POTEE: variants seen among roughly 807,000 people sequenced by gnomAD.
POTEE encodes POTE ankyrin domain family member E.
In POTEE, 21 loss-of-function variants were observed where a neutral mutation model predicts 74.2. That is an observed-to-expected ratio of 0.28 (90% CI 0.20 to 0.41). The LOEUF (loss-of-function observed/expected upper bound fraction) is 0.41, where lower values mean the gene tolerates loss of function less well. POTEE is among the 10% of genes least tolerant of loss of function. The pLI is 1.00. For missense variants in POTEE, 525 were observed against 1,158.6 expected, an observed-to-expected ratio of 0.45 and a Z score of 7.94; for synonymous variants, 211 against 432.8, an observed-to-expected ratio of 0.49 and a Z score of 6.36.
At chr2:131,213,262 T>C (rs1431490393) in intron 2 of POTEE, among the ~76,000 whole-genome samples, 2 of 152,058 alleles carry the variant, frequency 1.3e-5, no homozygotes, top group African/African-American at 4.8e-5. Context: ...AAAACAAGGC[T>C]TTATTAACTT....
intron 13 of POTEE, among the ~76,000 whole-genome samples, chr2:131,246,150 TACTG>T (rs1559194436): frequency 8.0e-6 from 1 of 124,554 alleles, no homozygotes; most frequent in East Asian, 2.4e-4. Context: ...GTCTCACTGT[TACTG>T]ACTTCATTCC....
intron 9 of POTEE, among the ~76,000 whole-genome samples, chr2:131,235,208 A>G (rs1701089900): frequency 6.7e-6 from 1 of 149,384 alleles, no homozygotes; most frequent in South Asian, 2.1e-4. Flanking sequence ...TAGAAAAGCC[A>G]TCCCTGACAT....
rs769777867 is a variant in POTEE at position 131,230,902 on chromosome 2, T to C, written c.1122T>C (p.Asn374=). The change falls in exon 9 of 18, where the codon AAT becomes AAC. Residue 374 remains asparagine (N), a synonymous_variant. Transcript: ENST00000683005. ...QMLKISSENS[N]PEQELKLTSE... ...TAAAAATCTCTTCTGAAAACAGCAATCCAGGTAAGACTTGTGATAGTGAAT... is the reference window on the plus strand; with the variant it reads ...TAAAAATCTCTTCTGAAAACAGCAACCCAGGTAAGACTTGTGATAGTGAAT... 2.7e-5 allele frequency: 42 copies of C among 1,563,112 alleles called. No homozygotes were observed. The highest frequency in any genetic ancestry group is 7.4e-5 in the Admixed American group (4 of 54,256).
In POTEE at chr2:131,218,860, C is replaced by T. The variant is rs768338214; in HGVS notation, c.458C>T (p.Pro153Leu). ...LHRAAWWGKV[P>L]RKDLIVMLRD... ...AGAGCTGCCTGGTGGGGTAAAGTCC[C>T]CAGAAAGGATCTCATCGTCATGCTC... is the stretch of plus-strand genomic sequence containing the variant. Residue 153 changes from proline (P) to leucine (L), a missense_variant, in exon 4 of 18, where the codon CCC (proline) becomes CTC (leucine). Physicochemically the swap from Pro to Leu is moderately conservative, Grantham distance 98 (BLOSUM62 -3). Transcript: ENST00000683005. The T allele has an allele frequency of 1.6e-5, 26 of 1,613,032 alleles. No individual in the cohort carries two copies. In the South Asian group the frequency reaches 1.8e-4, roughly 11 times the overall value.
chr2:131,214,192 A>C (rs536281355), intron 2 of POTEE, among the ~76,000 whole-genome samples: 1 of 152,250 alleles, frequency 6.6e-6, no homozygotes. Context: ...AACTTTAAGC[A>C]GACAGGTCCC....
chr2:131,226,076 T>G (rs1325560695), intron 6 of POTEE, among the ~76,000 whole-genome samples: 1 of 152,166 alleles, frequency 6.6e-6, no homozygotes, highest in African/African-American at 2.4e-5. Context: ...TCAATTAGAA[T>G]TGTAGCAAAT....
At position 131,217,753 on chromosome 2, in the gene POTEE, GC is replaced by G. The variant is rs1191261891; in HGVS notation, c.-94+72del. On this transcript the variant is annotated intron_variant, in intron 3 of 17. Transcript: ENST00000683005. ...GCCACCTGAGATAAGCACGCCGCACGCCGCACGCCGCACGCGCACGCCGCAC... is the reference window on the plus strand; with the variant it reads ...GCCACCTGAGATAAGCACGCCGCACGCGCACGCCGCACGCGCACGCCGCAC... Among the ~76,000 whole-genome samples the G allele has an allele frequency of 9.1e-3, 1,123 of 122,744 alleles. 44 individuals carry two copies. Among genetic ancestry groups the G allele is most frequent in the African/African-American group, 0.033 (1,012 of 30,934 alleles). 80.5% of individuals were successfully genotyped at this position (122,744 alleles called of 152,430 possible). A position where few individuals can be genotyped will look rare whatever the true frequency, so the allele number is the denominator to read the frequency against.
chr2:131,218,192 G>T lies in POTEE; in HGVS notation c.-93-118G>T, dbSNP rs530671463. Reference sequence around the variant, plus strand: ...CTGGGGTGGGCGTGGGGTCGCCCAGGGGGGGCGTGGGCTTTCCTCGGGTGG... The same window carrying T: ...CTGGGGTGGGCGTGGGGTCGCCCAGTGGGGGCGTGGGCTTTCCTCGGGTGG... On this transcript the variant is annotated intron_variant, in intron 3 of 17. Transcript: ENST00000683005. 2.6e-5 allele frequency: 24 copies of T among 938,936 alleles called. 1 individual carries two copies. The highest frequency in any genetic ancestry group is 5.3e-5 in the East Asian group (2 of 37,534). The allele number at this position is 938,936 out of a possible 1,614,324, so 58.2% of individuals were successfully genotyped here. A position where few individuals can be genotyped will look rare whatever the true frequency, so the allele number is the denominator to read the frequency against.
intron 6 of POTEE, among the ~76,000 whole-genome samples, chr2:131,225,238 G>A (rs1280494044): frequency 6.6e-6 from 1 of 152,094 alleles, no homozygotes; most frequent in African/African-American, 2.4e-5. Context: ...GCCTGGATAT[G>A]TATATTTGAA....
intron 16 of POTEE, among the ~76,000 whole-genome samples, chr2:131,260,831 A>G (rs1276465944): frequency 1.2e-5 from 1 of 80,018 alleles, no homozygotes; most frequent in African/African-American, 4.5e-5. Context: ...TGCTCTGCCT[A>G]GGACTTCCCA....
chr2:131,237,686 T>C (rs1701179309), intron 10 of POTEE, among the ~76,000 whole-genome samples: 3 of 151,910 alleles, frequency 2.0e-5, no homozygotes, highest in Non-Finnish European at 4.4e-5. Flanking sequence ...TGGTGTTGAT[T>C]TCGGCTCCTA....
intron 4 of POTEE, among the ~76,000 whole-genome samples, chr2:131,219,379 C>A (rs1211087640): frequency 1.3e-5 from 2 of 150,992 alleles, no homozygotes; most frequent in Non-Finnish European, 1.5e-5. Context: ...TACTGAGGAA[C>A]CTTAGAAGGA....
intron 6 of POTEE, among the ~76,000 whole-genome samples, chr2:131,226,013 T>C (rs1700772373): frequency 6.6e-6 from 1 of 152,172 alleles, no homozygotes; most frequent in South Asian, 2.1e-4. Context: ...TTGTGTCTCT[T>C]TGTTCAGTCA....
At chr2:131,256,795 A>G (rs1331258040) in intron 16 of POTEE, among the ~76,000 whole-genome samples, 2 of 149,088 alleles carry the variant, frequency 1.3e-5, no homozygotes, top group African/African-American at 2.5e-5. Flanking sequence ...TCCAGAGAAA[A>G]TGAAGAAAAT....
chr2:131,234,156 T>C (rs1437381893), intron 9 of POTEE, among the ~76,000 whole-genome samples: 3 of 151,098 alleles, frequency 2.0e-5, no homozygotes, highest in Non-Finnish European at 4.4e-5. Flanking sequence ...ATGGGACAGA[T>C]GAACTTAATG....
At chr2:131,230,090 A>G (rs1436749254) in intron 8 of POTEE, among the ~76,000 whole-genome samples, 3 of 152,070 alleles carry the variant, frequency 2.0e-5, no homozygotes. Flanking sequence ...AGGTCTTAAC[A>G]TCCATTGGTT....
At position 131,265,023 on chromosome 2, in the gene POTEE, T is replaced by G; in HGVS notation, c.*340T>G. On this transcript the variant is annotated 3_prime_UTR_variant, in exon 18 of 18. Transcript: ENST00000683005. Reference sequence around the variant, plus strand: ...CTCTAAGGAGAATGGCCCAGTCCTCTCCCTAGTTCACACAGGGGAGGTGAT... The same window carrying G: ...CTCTAAGGAGAATGGCCCAGTCCTCGCCCTAGTTCACACAGGGGAGGTGAT... 2.2e-6 allele frequency: 1 copy of G among 463,246 alleles called. No homozygotes were observed. Among genetic ancestry groups the G allele is most frequent in the Non-Finnish European group, 3.9e-6 (1 of 254,258 alleles). The allele number at this position is 463,246 out of a possible 1,614,324, so 28.7% of individuals were successfully genotyped here.
intron 2 of POTEE, among the ~76,000 whole-genome samples, chr2:131,212,973 T>G (rs1290525406): frequency 6.7e-6 from 1 of 150,212 alleles, no homozygotes; most frequent in Non-Finnish European, 1.5e-5. Context: ...AATTTTTTTT[T>G]TTTTGAGATG....
chr2:131,262,745 A>G (rs1395228461), intron 17 of POTEE, among the ~76,000 whole-genome samples: 1 of 152,272 alleles, frequency 6.6e-6, no homozygotes, highest in Non-Finnish European at 1.5e-5. Context: ...CTAGATACAG[A>G]TGTGTACAGT....
Sources: allele counts gnomAD v4.1 joint callset (sites outside exome capture counted in the v4.1 genomes callset), GRCh38; gene constraint gnomAD v4.1.1; transcripts MANE v1.5; gene names NCBI Gene and HGNC (gene_info 2026-07-23, HGNC 2026-07-21).